Variants in PBX3 observed in about 807,000 individuals in gnomAD.
PBX3 encodes pre-B-cell leukemia transcription factor 3.
A neutral mutation model predicts 48.5 loss-of-function variants in PBX3; 14 were observed. The ratio of observed to expected loss-of-function variants is 0.29; its 90% CI spans 0.19 to 0.45. PBX3 has a LOEUF of 0.45. Among genes scored for constraint, PBX3 ranks in the 20% least tolerant of loss-of-function variants. The pLI is 1.00. For synonymous variants in PBX3, 210 were observed against 200.3 expected (o/e 1.05, Z -0.41); for missense variants, 386 against 546.7 (o/e 0.71, Z 2.93).
In PBX3 at chr9:125,888,069, G is replaced by A. The variant is rs74702117; in HGVS notation, c.275-27617G>A. 5.6e-4 allele frequency among the ~76,000 whole-genome samples: 86 copies of A among 152,262 alleles called. 1 individual carries two copies. The East Asian group carries it at 0.016, about 28-fold the overall frequency. On this transcript the variant is annotated intron_variant, in intron 2 of 8. Transcript: ENST00000373489. Reference sequence around the variant, plus strand: ...TGTAATAGATAGACTTCTACTACTAGTAAAAGAACTGAAGCATGGTGAGGA... The same window carrying A: ...TGTAATAGATAGACTTCTACTACTAATAAAAGAACTGAAGCATGGTGAGGA...
chr9:125,896,509 G>C (rs1243561606), intron 2 of PBX3, among the ~76,000 whole-genome samples: 1 of 152,026 alleles, frequency 6.6e-6, no homozygotes, highest in African/African-American at 2.4e-5. Flanking sequence ...TAATGTGATA[G>C]GGTTGTAACT....
chr9:125,762,294 A>G lies in PBX3; in HGVS notation c.274+13671A>G, dbSNP rs551911922. ...TTAAGAGAGTTAACTGATTGCAAGA[A>G]GTGTAGTTCCCCAAAAAATATAGTC... On this transcript the variant is annotated intron_variant, in intron 2 of 8. Transcript: ENST00000373489. 2.0e-5 allele frequency among the ~76,000 whole-genome samples: 3 copies of G among 152,286 alleles called. No individual in the cohort carries two copies. The East Asian group carries it at 5.8e-4, about 29-fold the overall frequency.
At chr9:125,822,921 C>G (rs1248603785) in intron 2 of PBX3, among the ~76,000 whole-genome samples, 1 of 151,414 alleles carries the variant, frequency 6.6e-6, no homozygotes, top group Non-Finnish European at 1.5e-5. Flanking sequence ...ATGGATCATC[C>G]ATATCAATAG....
At chr9:125,892,444 T>G (rs977165815) in intron 2 of PBX3, among the ~76,000 whole-genome samples, 2 of 152,162 alleles carry the variant, frequency 1.3e-5, no homozygotes, top group African/African-American at 4.8e-5. Context: ...TAAAAATATT[T>G]AAATAAGATA....
Position 125,967,218 on chromosome 9 carries a change from CTGAT to C in PBX3, c.*1299_*1302del, listed in dbSNP as rs1349164957. 3 of 152,484 alleles carry C rather than the reference CTGAT, an allele frequency of 2.0e-5. No individual in the cohort carries two copies. Among genetic ancestry groups the C allele is most frequent in the Admixed American group, 6.5e-5 (1 of 15,274 alleles). 9.4% of individuals were successfully genotyped at this position (152,484 alleles called of 1,614,324 possible). On this transcript the variant is annotated 3_prime_UTR_variant, in exon 9 of 9. Coordinates refer to ENST00000373489, the MANE Select transcript of PBX3 (RefSeq NM_006195.6). Reference sequence around the variant, plus strand: ...TTTTGTATTGTATGCGATTCTGAAACTGATTGAGTCATGAAAATAATTTGTGGCG... The same window carrying C: ...TTTTGTATTGTATGCGATTCTGAAACTGAGTCATGAAAATAATTTGTGGCG...
chr9:125,748,460 G>C, intron 1 of PBX3, 90 bp from the exon 2 acceptor site: 5 of 1,549,770 alleles, frequency 3.2e-6, no homozygotes, highest in Non-Finnish European at 4.4e-6. Flanking sequence ...TGGGGGGCTG[G>C]AATTAAATCT....
At chr9:125,934,134 C>A (rs1314183296) in intron 4 of PBX3, among the ~76,000 whole-genome samples, 1 of 152,098 alleles carries the variant, frequency 6.6e-6, no homozygotes, top group Non-Finnish European at 1.5e-5. Context: ...ATAGTTTAAC[C>A]CTCCTAAAAA....
In PBX3 at chr9:125,948,023, C is replaced by G. The variant is rs188061873; in HGVS notation, c.843+12416C>G. Among the ~76,000 whole-genome samples, 8 of 152,274 alleles carry G rather than the reference C, an allele frequency of 5.3e-5. No homozygotes were observed. The East Asian group carries it at 1.5e-3, about 29-fold the overall frequency. On this transcript the variant is annotated intron_variant, in intron 5 of 8. Coordinates refer to ENST00000373489, the MANE Select transcript of PBX3 (RefSeq NM_006195.6). ...CATATAAGTCAGTAAGGACATAGAACAGTGCTTCTTAAACTGTAGCATACA... is the reference window on the plus strand; with the variant it reads ...CATATAAGTCAGTAAGGACATAGAAGAGTGCTTCTTAAACTGTAGCATACA...
At position 125,863,658 on chromosome 9, in the gene PBX3, A is replaced by C. The variant is rs534453362; in HGVS notation, c.275-52028A>C. Among the ~76,000 whole-genome samples, 3 of 152,342 alleles carry C rather than the reference A, an allele frequency of 2.0e-5. No individual in the cohort carries two copies. The South Asian group carries it at 6.2e-4, about 32-fold the overall frequency. ...TATGAAATGCTATAGTAACAGGTTA[A>C]TACATTGTGGGAAGATTAGATGAAG... On this transcript the variant is annotated intron_variant, in intron 2 of 8. Coordinates refer to ENST00000373489, the MANE Select transcript of PBX3 (RefSeq NM_006195.6).
intron 2 of PBX3, among the ~76,000 whole-genome samples, chr9:125,813,183 C>T (rs79377929): frequency 0.012 from 1,813 of 149,300 alleles, 37 homozygotes; most frequent in African/African-American, 0.043. Flanking sequence ...TACAGCTTTA[C>T]AGAAATATTT....
intron 2 of PBX3, among the ~76,000 whole-genome samples, chr9:125,852,086 C>G (rs1839599939): frequency 6.6e-6 from 1 of 152,092 alleles, no homozygotes; most frequent in Non-Finnish European, 1.5e-5. Context: ...AGATGTCTGG[C>G]AGATTTTCTG....
chr9:125,892,188 G>T (rs1163050829), intron 2 of PBX3, among the ~76,000 whole-genome samples: 1 of 152,080 alleles, frequency 6.6e-6, no homozygotes, highest in Non-Finnish European at 1.5e-5. Context: ...CTCCCAAAGT[G>T]CTGGGATTAG....
At chr9:125,753,130 T>C (rs1214673917) in intron 2 of PBX3, among the ~76,000 whole-genome samples, 1 of 152,146 alleles carries the variant, frequency 6.6e-6, no homozygotes. Context: ...AATGGTTCTT[T>C]AATGTTTTAA....
At chr9:125,944,246 C>G (rs765228683) in intron 5 of PBX3, among the ~76,000 whole-genome samples, 2 of 152,218 alleles carry the variant, frequency 1.3e-5, no homozygotes, top group Non-Finnish European at 2.9e-5. Flanking sequence ...CCCAATTCTT[C>G]TGTCAGCTAT....
chr9:125,827,158 T>C (rs1262860226), intron 2 of PBX3, among the ~76,000 whole-genome samples: 1 of 152,160 alleles, frequency 6.6e-6, no homozygotes, highest in Non-Finnish European at 1.5e-5. Flanking sequence ...CCCAATAAAA[T>C]TATGCAGTAT....
chr9:125,917,866 T>G (rs957432691), intron 3 of PBX3, among the ~76,000 whole-genome samples: 1 of 152,150 alleles, frequency 6.6e-6, no homozygotes, highest in African/African-American at 2.4e-5. Flanking sequence ...AAGAATAACT[T>G]CTTGTGGAAA....
chr9:125,794,840 A>G (rs982589923), intron 2 of PBX3, among the ~76,000 whole-genome samples: 2 of 152,134 alleles, frequency 1.3e-5, no homozygotes, highest in African/African-American at 4.8e-5. Context: ...CAGTGTGTAC[A>G]CCAAGAGAAG....
chr9:125,879,792 T>C (rs1353357418), intron 2 of PBX3, among the ~76,000 whole-genome samples: 2 of 152,184 alleles, frequency 1.3e-5, no homozygotes, highest in Admixed American at 6.5e-5. Flanking sequence ...TTTAATACCT[T>C]TTATTATTTA....
At chr9:125,781,658 T>C (rs1837320964) in intron 2 of PBX3, among the ~76,000 whole-genome samples, 1 of 152,160 alleles carries the variant, frequency 6.6e-6, no homozygotes, top group South Asian at 2.1e-4. Context: ...TTGGTCTTAT[T>C]GATTCTTTCT....
Sources: allele counts gnomAD v4.1 joint callset (sites outside exome capture counted in the v4.1 genomes callset), GRCh38; gene constraint gnomAD v4.1.1; transcripts MANE v1.5; gene names NCBI Gene and HGNC (gene_info 2026-07-23, HGNC 2026-07-21).